UBE2E2: variants seen among roughly 807,000 people sequenced by gnomAD.
UBE2E2 encodes ubiquitin-conjugating enzyme E2 E2.
In UBE2E2, 6 loss-of-function variants were observed where a neutral mutation model predicts 24.7. That is an observed-to-expected ratio of 0.24 (90% CI 0.13 to 0.48). The LOEUF (loss-of-function observed/expected upper bound fraction) is 0.48, where lower values mean the gene tolerates loss of function less well. Ranked by LOEUF, UBE2E2 falls within the 20% of genes least tolerant of loss-of-function variation. The pLI is 0.99. For missense variants in UBE2E2, 169 were observed against 245.0 expected (o/e 0.69, Z 2.07); for synonymous variants, 104 against 83.6 (o/e 1.24, Z -1.33).
intron 5 of UBE2E2, among the ~76,000 whole-genome samples, chr3:23,538,638 T>A (rs1408179705): frequency 1.3e-5 from 2 of 152,174 alleles, no homozygotes; most frequent in African/African-American, 4.8e-5. Context: ...ATAATGCTAT[T>A]CATAATGTTG....
rs1056685224 is a variant in UBE2E2 at position 23,307,383 on chromosome 3, A to G, written c.227+90071A>G. 6.6e-5 allele frequency among the ~76,000 whole-genome samples: 10 copies of G among 152,208 alleles called. 2 individuals are homozygous for G. Among genetic ancestry groups the G allele is most frequent in the Admixed American group, 1.3e-4 (2 of 15,262 alleles). On this transcript the variant is annotated intron_variant, in intron 3 of 5. Transcript: ENST00000396703. ...GGTTACTTGAATCTCCTAAGGCATT[A>G]TTGCTTATTTATATACTGTCCAGCT...
At chr3:23,234,535 T>G (rs1697054595) in intron 3 of UBE2E2, among the ~76,000 whole-genome samples, 1 of 152,208 alleles carries the variant, frequency 6.6e-6, no homozygotes, top group South Asian at 2.1e-4. Context: ...AAGCACACTT[T>G]CCTAGGTAAG....
At chr3:23,558,510 A>C (rs1015698997) in intron 5 of UBE2E2, among the ~76,000 whole-genome samples, 4 of 152,200 alleles carry the variant, frequency 2.6e-5, no homozygotes, top group Non-Finnish European at 4.4e-5. Flanking sequence ...TCCTGAAATC[A>C]GTCTCCAAGA....
chr3:23,365,293 G>T (rs972744393), intron 3 of UBE2E2, among the ~76,000 whole-genome samples: 3 of 151,834 alleles, frequency 2.0e-5, no homozygotes, highest in African/African-American at 2.4e-5. Flanking sequence ...GGCAAGAGAA[G>T]AGCAATGCCA....
intron 4 of UBE2E2, among the ~76,000 whole-genome samples, chr3:23,505,539 T>C (rs189954843): frequency 9.8e-5 from 15 of 152,330 alleles, no homozygotes; most frequent in African/African-American, 3.6e-4. Flanking sequence ...CTGCTGGTGA[T>C]AAAATTTGTG....
intron 4 of UBE2E2, among the ~76,000 whole-genome samples, chr3:23,521,700 A>G (rs559368557): frequency 4.6e-5 from 7 of 152,102 alleles, no homozygotes; most frequent in Non-Finnish European, 8.8e-5. Context: ...TTAAAACATG[A>G]TAAGGTTTTG....
chr3:23,580,477 T>C (rs1696451252), intron 5 of UBE2E2, among the ~76,000 whole-genome samples: 1 of 152,250 alleles, frequency 6.6e-6, no homozygotes. Flanking sequence ...AGGTATGTAC[T>C]TTTTTAAGAC....
At chr3:23,344,776 A>G (rs1404022475) in intron 3 of UBE2E2, among the ~76,000 whole-genome samples, 3 of 151,646 alleles carry the variant, frequency 2.0e-5, no homozygotes, top group African/African-American at 4.8e-5. Context: ...GAAGGCTGAG[A>G]TGGGAGGATT....
At chr3:23,352,778 G>C (rs953500567) in intron 3 of UBE2E2, among the ~76,000 whole-genome samples, 4 of 152,150 alleles carry the variant, frequency 2.6e-5, no homozygotes, top group Non-Finnish European at 5.9e-5. Context: ...GGACCAGATG[G>C]ATTCACAGCC....
At chr3:23,484,581 C>T (rs1288331421) in intron 3 of UBE2E2, among the ~76,000 whole-genome samples, 1 of 152,166 alleles carries the variant, frequency 6.6e-6, no homozygotes, top group Non-Finnish European at 1.5e-5. Flanking sequence ...GCCTAGATCA[C>T]AGTACAGTGA....
chr3:23,512,860 G>A (rs997002315), intron 4 of UBE2E2, among the ~76,000 whole-genome samples: 3 of 152,134 alleles, frequency 2.0e-5, no homozygotes, highest in African/African-American at 4.8e-5. Flanking sequence ...CACGAGAATT[G>A]CTTGAACCCA....
chr3:23,320,444 A>G (rs1016848720), intron 3 of UBE2E2, among the ~76,000 whole-genome samples: 1 of 152,234 alleles, frequency 6.6e-6, no homozygotes, highest in African/African-American at 2.4e-5. Flanking sequence ...TTCAGTTGGT[A>G]CATGCACAGA....
intron 2 of UBE2E2, among the ~76,000 whole-genome samples, chr3:23,216,363 G>C (rs1189696913): frequency 3.3e-5 from 5 of 152,056 alleles, no homozygotes. Flanking sequence ...TCAAATTCTT[G>C]TTTTGGTTTT....
chr3:23,446,067 T>G (rs979073243), intron 3 of UBE2E2, among the ~76,000 whole-genome samples: 1 of 152,186 alleles, frequency 6.6e-6, no homozygotes, highest in Admixed American at 6.5e-5. Context: ...TGGTCACAGA[T>G]GCACCATAGC....
chr3:23,507,474 C>T (rs1314142827), intron 4 of UBE2E2, among the ~76,000 whole-genome samples: 1 of 152,186 alleles, frequency 6.6e-6, no homozygotes, highest in Non-Finnish European at 1.5e-5. Flanking sequence ...ATTCAGTAGG[C>T]AGTCAATAAA....
At chr3:23,307,355 C>A (rs985901633) in intron 3 of UBE2E2, among the ~76,000 whole-genome samples, 1 of 152,096 alleles carries the variant, frequency 6.6e-6, no homozygotes, top group Non-Finnish European at 1.5e-5. Context: ...TAATTGTGGA[C>A]CAGGTTACTT....
chr3:23,515,006 T>C (rs993932054), intron 4 of UBE2E2, among the ~76,000 whole-genome samples: 2 of 152,162 alleles, frequency 1.3e-5, no homozygotes, highest in East Asian at 1.9e-4. Context: ...ATTAATCATT[T>C]CCATCATCTC....
At chr3:23,233,382 C>T (rs764978675) in intron 3 of UBE2E2, among the ~76,000 whole-genome samples, 2 of 152,078 alleles carry the variant, frequency 1.3e-5, no homozygotes, top group Non-Finnish European at 2.9e-5. Context: ...ACTTTGCAAA[C>T]CCCTGAGATC....
chr3:23,478,073 A>G (rs540775930), intron 3 of UBE2E2, among the ~76,000 whole-genome samples: 112 of 152,354 alleles, frequency 7.4e-4, no homozygotes, highest in African/African-American at 2.6e-3. Flanking sequence ...ATATTTCTTT[A>G]TATCAGTGTG....
Sources: gnomAD v4.1 joint callset for allele counts (sites outside exome capture counted in the v4.1 genomes callset) on GRCh38, gnomAD v4.1.1 for gene constraint, MANE v1.5 for transcripts, NCBI Gene and HGNC (gene_info 2026-07-23, HGNC 2026-07-21) for gene names.